MTPAP: variants seen among roughly 807,000 people sequenced by gnomAD.
The protein encoded by MTPAP is mitochondrial poly(A) polymerase.
MTPAP carries 23 observed loss-of-function variants against 48.7 expected under a neutral mutation model. The observed-to-expected ratio is 0.47, with a 90% confidence interval of 0.34 to 0.67. MTPAP has a LOEUF of 0.67. Among genes scored for constraint, MTPAP ranks in the 30% least tolerant of loss-of-function variants. MTPAP has a pLI of 0.01. For synonymous variants in MTPAP, 257 were observed against 254.1 expected, an observed-to-expected ratio of 1.01 and a Z score of -0.11; for missense variants, 614 against 694.3, an observed-to-expected ratio of 0.88 and a Z score of 1.30.
intron 1 of MTPAP, among the ~76,000 whole-genome samples, chr10:30,348,421 A>G (rs1403344053): frequency 1.3e-5 from 2 of 152,234 alleles, no homozygotes; most frequent in Non-Finnish European, 2.9e-5. Context: ...TACATCTGTA[A>G]AATGGACACA....
rs1834789115 is a variant in MTPAP at position 30,340,450 on chromosome 10, C to A, written c.331G>T (p.Gly111Cys). ...INNHFFYESF[G>C]LYAVVEFCQK... The stretch of plus-strand genomic sequence containing the variant: ...CAAAATTCTACGACAGCATAGAGAC[C>A]CTATACCAAAAACATAAGAAAAAAC... The change falls in exon 3 of 9, where the codon GGT (glycine) becomes TGT (cysteine). Residue 111 changes from glycine to cysteine, a missense_variant and splice_region_variant. By Grantham distance (159) the Gly-to-Cys change is radical (BLOSUM62 -3). Around this residue, in one of 5 missense-constraint regions of MTPAP, gnomAD observed 114 missense variants for 107.9 expected, o/e 1.06. Transcript: ENST00000263063. 1.2e-6 allele frequency: 2 copies of A among 1,609,228 alleles called. No homozygotes were observed. Among genetic ancestry groups the A allele is most frequent in the Non-Finnish European group, 1.7e-6 (2 of 1,175,658 alleles).
chr10:30,340,385 A>G lies in MTPAP; in HGVS notation c.396T>C (p.His132=). The G allele has an allele frequency of 6.2e-7, 1 of 1,614,194 alleles. No homozygotes were observed. ...ESIGSLQNGT[H]TPSTAMETAI... ...CAGTCTCCATGGCCGTGCTTGGAGT[A>G]TGAGTCCCATTCTGCAGTGAACCTA... Residue 132 remains histidine (H), a synonymous_variant, in exon 3 of 9, where the codon CAT becomes CAC. Transcript: ENST00000263063.
chr10:30,324,449 G>A (rs1295208264), intron 5 of MTPAP, among the ~76,000 whole-genome samples: 1 of 152,034 alleles, frequency 6.6e-6, no homozygotes, highest in Admixed American at 6.6e-5. Flanking sequence ...AGCTACTCAG[G>A]AGGTTGAGAA....
intron 1 of MTPAP, among the ~76,000 whole-genome samples, chr10:30,346,157 T>C (rs1188116132): frequency 1.3e-5 from 2 of 152,146 alleles, no homozygotes; most frequent in East Asian, 1.9e-4. Flanking sequence ...AAAAGAGGCC[T>C]GAAAGTCTGA....
chr10:30,315,855 C>T lies in MTPAP; in HGVS notation c.1386+108G>A, dbSNP rs552834691. The T allele has an allele frequency of 6.5e-5, 80 of 1,236,552 alleles. 1 individual carries two copies. Among genetic ancestry groups the T allele is most frequent in the South Asian group, 1.9e-4 (13 of 67,252 alleles). The allele number at this position is 1,236,552 out of a possible 1,614,324, so 76.6% of individuals were successfully genotyped here. A position where few individuals can be genotyped will look rare whatever the true frequency, so the allele number is the denominator to read the frequency against. On this transcript the variant is annotated intron_variant, in intron 8 of 8. Coordinates refer to ENST00000263063, the MANE Select transcript of MTPAP (RefSeq NM_018109.4). ...ACCTCCTTGTTACTACAAATTACTA[C>T]ACAAAAGAAATAAATAACATTTATT...
chr10:30,330,127 C>G (rs1220175516), intron 4 of MTPAP, among the ~76,000 whole-genome samples: 1 of 152,140 alleles, frequency 6.6e-6, no homozygotes, highest in Non-Finnish European at 1.5e-5. Flanking sequence ...AAATAAATCA[C>G]TGTATACAAT....
rs1840590958 is a variant in MTPAP at position 30,311,412 on chromosome 10, C to G, written c.*2197G>C. The G allele has an allele frequency of 6.6e-6, 1 of 152,124 alleles. No homozygotes were observed. The highest frequency in any genetic ancestry group is 1.5e-5 in the Non-Finnish European group (1 of 68,010). 9.4% of individuals were successfully genotyped at this position (152,124 alleles called of 1,614,324 possible). A position where few individuals can be genotyped will look rare whatever the true frequency, so the allele number is the denominator to read the frequency against. On this transcript the variant is annotated 3_prime_UTR_variant, in exon 9 of 9. Coordinates refer to ENST00000263063, the MANE Select transcript of MTPAP (RefSeq NM_018109.4). ...AATGGGAAAAATTTTTAAAGTACTA[C>G]AAACTCTAAATCTGAATTTTGAGTA...
At chr10:30,323,379 G>A (rs1312466264) in intron 5 of MTPAP, among the ~76,000 whole-genome samples, 1 of 146,694 alleles carries the variant, frequency 6.8e-6, no homozygotes, top group East Asian at 2.0e-4. Flanking sequence ...TTGAACCCGG[G>A]AGGCGGAGGC....
intron 4 of MTPAP, among the ~76,000 whole-genome samples, chr10:30,331,252 A>G (rs1165233403): frequency 1.3e-5 from 2 of 152,270 alleles, no homozygotes; most frequent in Non-Finnish European, 2.9e-5. Context: ...TGCTATTCCT[A>G]TAGCACTATC....
chr10:30,313,606 C>G lies in MTPAP; in HGVS notation c.*3G>C. ...CCCAGTTCTTTACACAATGTAGCAGCCATCATGTCTGAGTACTAATTGTTC... is the reference window on the plus strand; with the variant it reads ...CCCAGTTCTTTACACAATGTAGCAGGCATCATGTCTGAGTACTAATTGTTC... On this transcript the variant is annotated 3_prime_UTR_variant, in exon 9 of 9. Coordinates refer to ENST00000263063, the MANE Select transcript of MTPAP (RefSeq NM_018109.4). 6.2e-7 allele frequency: 1 copy of G among 1,614,148 alleles called. No individual in the cohort carries two copies. Among genetic ancestry groups the G allele is most frequent in the South Asian group, 1.1e-5 (1 of 91,084 alleles).
intron 4 of MTPAP, 110 bp downstream of exon 4, chr10:30,336,691 AAT>A: frequency 1.1e-6 from 1 of 891,430 alleles, no homozygotes; most frequent in Non-Finnish European, 1.9e-6. Context: ...CTTTAACCAC[AAT>A]GTTTAATAAG....
rs1349977131 is a variant in MTPAP at position 30,312,516 on chromosome 10, G to A, written c.*1093C>T. ...ACCTGGGAGGCAGAGCTTGCAGTGA[G>A]CCGAGATTGCGCCACTGCACTCTAG... On this transcript the variant is annotated 3_prime_UTR_variant, in exon 9 of 9. Coordinates refer to ENST00000263063, the MANE Select transcript of MTPAP (RefSeq NM_018109.4). The A allele has an allele frequency of 6.9e-6, 1 of 145,374 alleles. No homozygotes were observed. The highest frequency in any genetic ancestry group is 1.5e-5 in the Non-Finnish European group (1 of 67,268). The allele number at this position is 145,374 out of a possible 1,614,324, so 9.0% of individuals were successfully genotyped here. A position where few individuals can be genotyped will look rare whatever the true frequency, so the allele number is the denominator to read the frequency against.
intron 1 of MTPAP, among the ~76,000 whole-genome samples, chr10:30,346,964 G>A (rs750528938): frequency 2.0e-5 from 3 of 152,156 alleles, no homozygotes; most frequent in Non-Finnish European, 4.4e-5. Context: ...AAACAGCTAA[G>A]GAAAATGAAA....
At position 30,312,563 on chromosome 10, in the gene MTPAP, C is replaced by CT. The variant is rs1200801666; in HGVS notation, c.*1045dup. On this transcript the variant is annotated 3_prime_UTR_variant, in exon 9 of 9. Coordinates refer to ENST00000263063, the MANE Select transcript of MTPAP (RefSeq NM_018109.4). ...CTAGCCTGGGCGACAGAGCGAGACT[C>CT]TGTCTCAAAAAAAAAAAAAAAAAAA... 1 of 100,500 alleles carries CT rather than the reference C, an allele frequency of 1.0e-5. No individual in the cohort carries two copies. Among genetic ancestry groups the CT allele is most frequent in the Non-Finnish European group, 1.9e-5 (1 of 53,718 alleles). The allele number at this position is 100,500 out of a possible 1,614,324, so 6.2% of individuals were successfully genotyped here.
At chr10:30,343,114 G>T (rs984378797) in intron 1 of MTPAP, among the ~76,000 whole-genome samples, 1 of 152,126 alleles carries the variant, frequency 6.6e-6, no homozygotes, top group Admixed American at 6.6e-5. Context: ...AGTCTGGAAT[G>T]GTAGACTCTA....
At chr10:30,317,029 T>C (rs1263023177) in intron 6 of MTPAP, among the ~76,000 whole-genome samples, 1 of 152,284 alleles carries the variant, frequency 6.6e-6, no homozygotes, top group Non-Finnish European at 1.5e-5. Context: ...GTCTATGATT[T>C]AATGATGTTA....
At chr10:30,326,722 A>C (rs1834602072) in intron 4 of MTPAP, 87 bp from the exon 5 acceptor site, 1 of 982,044 alleles carries the variant, frequency 1.0e-6, no homozygotes, top group African/African-American at 1.6e-5. Context: ...GCTCTAAATC[A>C]CTGCTGGAAA....
At chr10:30,316,091 G>A (rs1293298702) in intron 7 of MTPAP, 27 bp downstream of exon 7, 1 of 1,608,398 alleles carries the variant, frequency 6.2e-7, no homozygotes, top group Non-Finnish European at 8.5e-7. Context: ...AATCCAGAAA[G>A]GATCAAGTAA....
chr10:30,313,967 C>T lies in MTPAP; in HGVS notation c.1391G>A (p.Arg464Lys), dbSNP rs929480514. The stretch of plus-strand genomic sequence containing the variant: ...AGAAGAATCAGGTTTGTTTTGCTCC[C>T]TTCCCTATAGATTATTACACAGAAG... ...DKNSINIRQG[R>K]EQNKPDSSPL... is the part of the protein sequence containing the mutation. Residue 464 changes from arginine (R) to lysine (K), a missense_variant, in exon 9 of 9, where the codon AGG (arginine) becomes AAG (lysine). This residue lies in a region of MTPAP where 261 missense variants were observed against 355.4 expected (regional missense o/e 0.73). Coordinates refer to ENST00000263063, the MANE Select transcript of MTPAP (RefSeq NM_018109.4). 20 of 1,613,110 alleles carry T rather than the reference C, an allele frequency of 1.2e-5. No homozygotes were observed. Among genetic ancestry groups the T allele is most frequent in the Non-Finnish European group, 1.7e-5 (20 of 1,179,446 alleles).
Sources: allele counts gnomAD v4.1 joint callset (sites outside exome capture counted in the v4.1 genomes callset), GRCh38; gene constraint gnomAD v4.1.1; regional missense constraint gnomAD v4.1.1; transcripts MANE v1.5; gene names NCBI Gene and HGNC (gene_info 2026-07-23, HGNC 2026-07-21).